The following ADCK1 variants were observed in gnomAD, a reference collection of about 807,000 sequenced individuals.
ADCK1 encodes aarF domain-containing protein kinase 1.
In ADCK1, 41 loss-of-function variants were observed where a neutral mutation model predicts 52.3. That is an observed-to-expected ratio of 0.78 (90% CI 0.61 to 1.02). The LOEUF (loss-of-function observed/expected upper bound fraction) is 1.02. Ranked by LOEUF, ADCK1 falls within the 50% of genes least tolerant of loss-of-function variation. The probability of loss-of-function intolerance (pLI) is 0.00; values close to 1 mark genes in which losing one functional copy is unlikely to be tolerated. For missense variants in ADCK1, 658 were observed against 679.5 expected (o/e 0.97, Z 0.35); for synonymous variants, 250 against 274.6 (o/e 0.91, Z 0.89).
intron 3 of ADCK1, among the ~76,000 whole-genome samples, chr14:77,852,649 T>C (rs1180664090): frequency 4.8e-5 from 2 of 41,478 alleles, no homozygotes; most frequent in Non-Finnish European, 5.0e-5. Flanking sequence ...CATTATTTCT[T>C]TAAATAAATA....
chr14:77,800,659 C>CTT (rs2081090134), intron 1 of ADCK1, among the ~76,000 whole-genome samples: 2 of 152,228 alleles, frequency 1.3e-5, no homozygotes, highest in African/African-American at 4.8e-5. Context: ...CAGACCGCTG[C>CTT]TTATCTCCAG....
At chr14:77,812,511 A>G (rs905562802) in intron 1 of ADCK1, among the ~76,000 whole-genome samples, 5 of 152,106 alleles carry the variant, frequency 3.3e-5, no homozygotes, top group African/African-American at 1.2e-4. Flanking sequence ...GTGTGTATAT[A>G]TATATATTTC....
intron 7 of ADCK1, among the ~76,000 whole-genome samples, chr14:77,921,326 C>CAAAAAAAAAAAAAAAAAAA (rs756056466): frequency 3.8e-3 from 156 of 41,172 alleles, no homozygotes; most frequent in Middle Eastern, 0.021. Context: ...GACTCTGTCT[C>CAAAAAAAAAAAAAAAAAAA]AAAAAAAAAA....
At chr14:77,932,150 G>A (rs2084356551) in intron 10 of ADCK1, among the ~76,000 whole-genome samples, 1 of 151,956 alleles carries the variant, frequency 6.6e-6, no homozygotes, top group Non-Finnish European at 1.5e-5. Flanking sequence ...CCGAATTCAA[G>A]CGATTCTCCT....
intron 1 of ADCK1, among the ~76,000 whole-genome samples, chr14:77,813,024 C>T (rs552657176): frequency 6.6e-6 from 1 of 150,618 alleles, no homozygotes; most frequent in East Asian, 2.0e-4. Context: ...TTTTTTGAGG[C>T]GAAGTTTCAC....
chr14:77,856,189 G>A (rs556855450), intron 3 of ADCK1, among the ~76,000 whole-genome samples: 41 of 152,256 alleles, frequency 2.7e-4, no homozygotes, highest in African/African-American at 9.9e-4. Flanking sequence ...CAGCCTGGGC[G>A]ACAGAGCAAG....
At chr14:77,852,930 T>A (rs2140122517) in intron 3 of ADCK1, among the ~76,000 whole-genome samples, 1 of 111,914 alleles carries the variant, frequency 8.9e-6, no homozygotes. Flanking sequence ...TTTTTTTTTT[T>A]TAGAGACAGG....
At chr14:77,861,925 G>A (rs1237313824) in intron 4 of ADCK1, among the ~76,000 whole-genome samples, 1 of 152,276 alleles carries the variant, frequency 6.6e-6, no homozygotes, top group Non-Finnish European at 1.5e-5. Context: ...GGCACCATCA[G>A]TGCAGAGGTG....
At position 77,806,975 on chromosome 14, in the gene ADCK1, A is replaced by G. The variant is rs552316490; in HGVS notation, c.-12+6805A>G. Reference sequence around the variant, plus strand: ...AATGATCCAGCCGTCTCAGCCTCCCAAAGCGTTGGGATTACAGGCATGAGC... The same window carrying G: ...AATGATCCAGCCGTCTCAGCCTCCCGAAGCGTTGGGATTACAGGCATGAGC... On this transcript the variant is annotated intron_variant, in intron 1 of 10. Coordinates refer to ENST00000238561, the MANE Select transcript of ADCK1 (RefSeq NM_020421.4). Among the ~76,000 whole-genome samples the G allele has an allele frequency of 2.1e-4, 31 of 150,624 alleles. 1 individual carries two copies. Among genetic ancestry groups the G allele is most frequent in the Admixed American group, 1.8e-3 (28 of 15,162 alleles).
At position 77,924,517 on chromosome 14, in the gene ADCK1, T is replaced by C. The variant is rs1185628513; in HGVS notation, c.919T>C (p.Cys307Arg). Residue 307 changes from cysteine (C) to arginine (R), a missense_variant, in exon 8 of 11, where the codon TGC becomes CGC. Transcript: ENST00000238561. ...EMIFVNGFVHCDPHPGNVLVR... is the reference protein window; with the variant it reads ...EMIFVNGFVHRDPHPGNVLVR... ...GATCTTCGTCAATGGCTTCGTGCAC[T>C]GCGATCCCCACCCCGGCAATGTACT... The C allele has an allele frequency of 1.2e-6, 2 of 1,614,166 alleles. No homozygotes were observed. The highest frequency in any genetic ancestry group is 4.5e-5 in the East Asian group (2 of 44,886).
At chr14:77,870,532 G>A (rs2082753717) in intron 4 of ADCK1, among the ~76,000 whole-genome samples, 3 of 152,134 alleles carry the variant, frequency 2.0e-5, no homozygotes, top group Admixed American at 2.0e-4. Context: ...AGCCAAAGGA[G>A]GGGCCCTGCG....
intron 4 of ADCK1, among the ~76,000 whole-genome samples, chr14:77,866,112 A>C (rs1389361527): frequency 6.6e-6 from 1 of 152,200 alleles, no homozygotes; most frequent in Non-Finnish European, 1.5e-5. Context: ...GAGTACTTAC[A>C]CAAACCTAGA....
intron 3 of ADCK1, among the ~76,000 whole-genome samples, chr14:77,831,297 G>C (rs1481380485): frequency 6.6e-6 from 1 of 152,158 alleles, no homozygotes; most frequent in East Asian, 1.9e-4. Flanking sequence ...CTCCCACAAG[G>C]AGTGAAGGAG....
chr14:77,812,238 T>C (rs190393540), intron 1 of ADCK1, among the ~76,000 whole-genome samples: 90 of 152,334 alleles, frequency 5.9e-4, no homozygotes, highest in African/African-American at 2.1e-3. Context: ...CCAGAACTTA[T>C]TCATCTTGTA....
chr14:77,805,987 C>CTTTTTTTTTTTT (rs530925697), intron 1 of ADCK1, among the ~76,000 whole-genome samples: 1 of 87,676 alleles, frequency 1.1e-5, no homozygotes, highest in Non-Finnish European at 2.2e-5. Context: ...ATTCTTACGG[C>CTTTTTTTTTTTT]TTTTTTTTTT....
chr14:77,863,591 C>T (rs1446749920), intron 4 of ADCK1, among the ~76,000 whole-genome samples: 1 of 152,120 alleles, frequency 6.6e-6, no homozygotes, highest in Non-Finnish European at 1.5e-5. Flanking sequence ...AATCCCAGCA[C>T]TTTGGGAGGC....
chr14:77,804,934 C>T (rs1594839096), intron 1 of ADCK1, among the ~76,000 whole-genome samples: 2 of 152,210 alleles, frequency 1.3e-5, no homozygotes, highest in African/African-American at 2.4e-5. Context: ...AGGCTGGGCA[C>T]GGTGGCTCAC....
At chr14:77,898,470 T>G (rs2083458268) in intron 5 of ADCK1, among the ~76,000 whole-genome samples, 3 of 152,094 alleles carry the variant, frequency 2.0e-5, no homozygotes, top group Non-Finnish European at 4.4e-5. Context: ...TAAAAAGGAA[T>G]GAGATCATGT....
At chr14:77,897,394 C>T (rs2083434324) in intron 5 of ADCK1, among the ~76,000 whole-genome samples, 1 of 152,160 alleles carries the variant, frequency 6.6e-6, no homozygotes, top group African/African-American at 2.4e-5. Context: ...AACTTGGGCA[C>T]CCATCTCAAA....
Sources: gnomAD v4.1 joint callset for allele counts (sites outside exome capture counted in the v4.1 genomes callset) on GRCh38, gnomAD v4.1.1 for gene constraint, MANE v1.5 for transcripts, NCBI Gene and HGNC (gene_info 2026-07-23, HGNC 2026-07-21) for gene names.